TBC1D4: variants seen among roughly 807,000 people sequenced by gnomAD.
TBC1D4 encodes TBC1 domain family member 4, also known as TBC (Tre-2, BUB2, CDC16) domain-containing protein.
Under a neutral mutation model 142.5 loss-of-function variants are expected in TBC1D4, and 121 were observed. That is an observed-to-expected ratio of 0.85 (90% confidence interval 0.73 to 0.99). TBC1D4 has a LOEUF of 0.99. TBC1D4 is among the 50% of genes least tolerant of loss of function. TBC1D4 has a pLI of 0.00. For synonymous variants in TBC1D4, 630 were observed against 628.2 expected (o/e 1.00, Z -0.04); for missense variants, 1,475 against 1,606.6 (o/e 0.92, Z 1.40).
chr13:75,328,515 C>G (rs1006342935), intron 8 of TBC1D4, among the ~76,000 whole-genome samples: 5 of 152,120 alleles, frequency 3.3e-5, no homozygotes, highest in African/African-American at 1.2e-4. Flanking sequence ...ATTATTCTTT[C>G]TGTTCCCCCC....
At chr13:75,425,002 G>A (rs1381409869) in intron 1 of TBC1D4, among the ~76,000 whole-genome samples, 1 of 152,082 alleles carries the variant, frequency 6.6e-6, no homozygotes, top group East Asian at 1.9e-4. Context: ...CAAATGGGAT[G>A]TAATCAAATT....
chr13:75,362,392 C>T lies in TBC1D4; in HGVS notation c.714G>A (p.Lys238=), dbSNP rs1882605205. The change falls in exon 2 of 21, where the codon AAG becomes AAA. Residue 238 remains lysine (K), a synonymous_variant. Coordinates refer to ENST00000377636, the MANE Select transcript of TBC1D4 (RefSeq NM_014832.5). The surrounding 1 kb of genome is among the most constrained non-coding windows in gnomAD (Gnocchi z 4.2). The part of the protein sequence containing the change: ...KFSLHEQQRL[K]IQGEQRGPDP... ...CCGGACCGCGCTGCTCCCCTTGGATCTTCAGGCGCTGCTGTTCGTGCAGGC... is the reference window on the plus strand; with the variant it reads ...CCGGACCGCGCTGCTCCCCTTGGATTTTCAGGCGCTGCTGTTCGTGCAGGC... 6.2e-7 allele frequency: 1 copy of T among 1,614,224 alleles called. No individual in the cohort carries two copies. Among genetic ancestry groups the T allele is most frequent in the Non-Finnish European group, 8.5e-7 (1 of 1,180,040 alleles).
chr13:75,372,994 C>A (rs1883302813), intron 1 of TBC1D4, among the ~76,000 whole-genome samples: 1 of 152,126 alleles, frequency 6.6e-6, no homozygotes, highest in Non-Finnish European at 1.5e-5. Context: ...AATCCTAAAA[C>A]TGAATATTTA....
At chr13:75,379,175 C>T (rs1418997562) in intron 1 of TBC1D4, among the ~76,000 whole-genome samples, 1 of 151,844 alleles carries the variant, frequency 6.6e-6, no homozygotes, top group Non-Finnish European at 1.5e-5. Flanking sequence ...AAATTAAAAT[C>T]CAGAGAAGCG....
chr13:75,304,894 G>C (rs1877007265), intron 15 of TBC1D4, among the ~76,000 whole-genome samples: 1 of 152,130 alleles, frequency 6.6e-6, no homozygotes, highest in Non-Finnish European at 1.5e-5. Flanking sequence ...CACAATACAA[G>C]GTAAGGAGAG....
intron 16 of TBC1D4, 65 bp from the exon 17 acceptor site, chr13:75,299,639 T>C (rs1164609624): frequency 7.5e-6 from 12 of 1,596,316 alleles, no homozygotes; most frequent in African/African-American, 5.4e-5. Flanking sequence ...AACAGTGAAA[T>C]TGCAATTCAG....
intron 17 of TBC1D4, among the ~76,000 whole-genome samples, chr13:75,298,350 C>A (rs958119840): frequency 1.3e-5 from 2 of 152,164 alleles, no homozygotes; most frequent in African/African-American, 4.8e-5. Flanking sequence ...GAAGTGAAAA[C>A]TAGGAGAGAA....
In TBC1D4 at chr13:75,341,233, T is replaced by C. The variant is rs950194732; in HGVS notation, c.1503A>G (p.Lys501=). The C allele has an allele frequency of 3.1e-6, 5 of 1,613,432 alleles. No homozygotes were observed. The African/African-American group carries it at 6.7e-5, about 22-fold the overall frequency. ...CTTCCTGGTCACTGACTGGCTTCAT[T>C]TTCTGTTCAACAGACAAACCAAAAG... The part of the protein sequence containing the change: ...EQADIFERVQ[K]MKPVSDQEEN... Residue 501 remains lysine, a splice_region_variant and synonymous_variant, in exon 7 of 21, where the codon AAA becomes AAG. Coordinates refer to ENST00000377636, the MANE Select transcript of TBC1D4 (RefSeq NM_014832.5).
chr13:75,346,482 CT>C lies in TBC1D4; in HGVS notation c.1408+2687del, dbSNP rs376014702. On this transcript the variant is annotated intron_variant, in intron 5 of 20. Transcript: ENST00000377636. Reference sequence around the variant, plus strand: ...TCCCTGCAAAGGACATAAACTCATCCTTTTTTATGGCTGCATAGCATTCCAC... The same window carrying C: ...TCCCTGCAAAGGACATAAACTCATCCTTTTTATGGCTGCATAGCATTCCAC... 4.8e-3 allele frequency among the ~76,000 whole-genome samples: 728 copies of C among 152,248 alleles called. 8 individuals are homozygous for C. The highest frequency in any genetic ancestry group is 0.017 in the African/African-American group (700 of 41,532).
chr13:75,473,857 T>C (rs948674976), intron 1 of TBC1D4, among the ~76,000 whole-genome samples: 1 of 152,234 alleles, frequency 6.6e-6, no homozygotes, highest in Admixed American at 6.5e-5. Context: ...AAGATATTCA[T>C]ATACTTTATA....
At chr13:75,292,040 G>C in intron 19 of TBC1D4, 62 bp downstream of exon 19, 1 of 1,391,296 alleles carries the variant, frequency 7.2e-7, no homozygotes, top group Non-Finnish European at 9.9e-7. Context: ...TTAGGCTAAA[G>C]CATTTAATAT....
At position 75,362,088 on chromosome 13, in the gene TBC1D4, C is replaced by T. The variant is rs1882570083; in HGVS notation, c.1018G>A (p.Ala340Thr). The T allele has an allele frequency of 3.1e-6, 5 of 1,614,102 alleles. No homozygotes were observed. The highest frequency in any genetic ancestry group is 1.3e-5 in the African/African-American group (1 of 75,040). ...SQKSQPRRRH[A>T]SAPSHVQPSD... is the part of the protein sequence containing the mutation. ...GGCTGGACGTGACTGGGTGCGCTCG[C>T]GTGTCTCCGTCGCGGCTGGGATTTC... The change falls in exon 2 of 21, where the codon GCG becomes ACG. Residue 340 changes from alanine to threonine, a missense_variant. Coordinates refer to ENST00000377636, the MANE Select transcript of TBC1D4 (RefSeq NM_014832.5). The surrounding 1 kb of genome is among the most constrained non-coding windows in gnomAD (Gnocchi z 4.2).
intron 1 of TBC1D4, among the ~76,000 whole-genome samples, chr13:75,389,437 G>A (rs2138293217): frequency 6.6e-6 from 1 of 152,212 alleles, no homozygotes; most frequent in African/African-American, 2.4e-5. Context: ...TAATTCTGAG[G>A]CTACTATTAG....
intron 2 of TBC1D4, among the ~76,000 whole-genome samples, chr13:75,361,570 G>A (rs35509485): frequency 0.041 from 6,214 of 152,224 alleles, 184 homozygotes; most frequent in Non-Finnish European, 0.064. Flanking sequence ...AATAGAGACG[G>A]GGTTTTGCCA....
chr13:75,480,118 G>C (rs1888776683), intron 1 of TBC1D4, among the ~76,000 whole-genome samples: 1 of 151,882 alleles, frequency 6.6e-6, no homozygotes, highest in Admixed American at 6.6e-5. Context: ...CAAGCCTTTT[G>C]TGAAAACTGT....
chr13:75,371,084 GT>G (rs1184281960), intron 1 of TBC1D4, among the ~76,000 whole-genome samples: 1 of 152,210 alleles, frequency 6.6e-6, no homozygotes, highest in Non-Finnish European at 1.5e-5. Context: ...AAAGAAAAGA[GT>G]AATCAACACG....
At chr13:75,400,241 C>A (rs1885015326) in intron 1 of TBC1D4, among the ~76,000 whole-genome samples, 1 of 152,170 alleles carries the variant, frequency 6.6e-6, no homozygotes, top group Non-Finnish European at 1.5e-5. Context: ...ATCACTAAAT[C>A]CTATTTCTCT....
chr13:75,357,557 G>GC (rs1449399222), intron 3 of TBC1D4, among the ~76,000 whole-genome samples: 1 of 152,150 alleles, frequency 6.6e-6, no homozygotes, highest in African/African-American at 2.4e-5. Context: ...TACTTGCTTA[G>GC]CACTAAATGG....
chr13:75,321,792 CAT>C (rs1433522561), intron 11 of TBC1D4, among the ~76,000 whole-genome samples: 1 of 151,942 alleles, frequency 6.6e-6, no homozygotes, highest in African/African-American at 2.4e-5. Context: ...AGAAATAACC[CAT>C]ATGTCTACTC....
Sources: allele counts gnomAD v4.1 joint callset (sites outside exome capture counted in the v4.1 genomes callset), GRCh38; gene constraint gnomAD v4.1.1; non-coding constraint Gnocchi (gnomAD v3.1); transcripts MANE v1.5; gene names NCBI Gene and HGNC (gene_info 2026-07-23, HGNC 2026-07-21).